SERPINF2: variants seen among roughly 807,000 people sequenced by gnomAD.
SERPINF2 encodes serpin family F member 2, also known as alpha-2-antiplasmin.
In SERPINF2, 15 loss-of-function variants were observed where a neutral mutation model predicts 45.0. The ratio of observed to expected loss-of-function variants is 0.33; its 90% CI spans 0.22 to 0.51. SERPINF2 has a LOEUF of 0.51. Ranked by LOEUF, SERPINF2 falls within the 20% of genes least tolerant of loss-of-function variation. The pLI, the probability that SERPINF2 is intolerant of heterozygous loss-of-function variation, is 0.97. For synonymous variants in SERPINF2, 283 were observed against 277.9 expected (o/e 1.02, Z -0.18); for missense variants, 518 against 637.4 (o/e 0.81, Z 2.02).
At chr17:1,749,189 T>A (rs4790286) in intron 8 of SERPINF2, among the ~76,000 whole-genome samples, 33,817 of 151,992 alleles carry the variant, frequency 0.22, 3,783 homozygotes, top group South Asian at 0.39. Context: ...GCACTTTGGG[T>A]GGCCCAGGCA....
chr17:1,744,818 G>A, intron 1 of SERPINF2, 174 bp from the exon 2 acceptor site: 1 of 985,466 alleles, frequency 1.0e-6, no homozygotes, highest in African/African-American at 1.7e-5. Flanking sequence ...TGTCCCAGCT[G>A]CAGGAGTGGG....
chr17:1,743,985 C>G (rs1385229638), intron 1 of SERPINF2, among the ~76,000 whole-genome samples: 2 of 151,182 alleles, frequency 1.3e-5, no homozygotes, highest in East Asian at 4.1e-4. Context: ...CAACCTCCGC[C>G]TCCCGGGTTC....
Position 1,751,414 on chromosome 17 carries a change from A to C in SERPINF2, c.859-1172A>C, listed in dbSNP as rs1469042624. ...CAGTGAGCCAAGATCATGCCACTGC[A>C]CTCCAGCCTGGACAATAAGAGTGAA... On this transcript the variant is annotated intron_variant, in intron 8 of 9. Transcript: ENST00000453066. 9.7e-5 allele frequency among the ~76,000 whole-genome samples: 9 copies of C among 92,790 alleles called. 1 individual carries two copies. The highest frequency in any genetic ancestry group is 2.2e-4 in the African/African-American group (8 of 35,602). 60.9% of individuals were successfully genotyped at this position (92,790 alleles called of 152,430 possible).
chr17:1,750,892 C>T (rs1160134569), intron 8 of SERPINF2, among the ~76,000 whole-genome samples: 1 of 152,180 alleles, frequency 6.6e-6, no homozygotes, highest in Non-Finnish European at 1.5e-5. Flanking sequence ...CCCGAGGCTC[C>T]CCTTTCCTGC....
In SERPINF2 at chr17:1,745,013, G is replaced by T. The variant is rs1309795512; in HGVS notation, c.18G>T (p.Gly6=). 2.5e-6 allele frequency: 4 copies of T among 1,613,688 alleles called. No individual in the cohort carries two copies. In the South Asian group the frequency reaches 3.3e-5, roughly 13 times the overall value. Residue 6 remains glycine, a synonymous_variant, in exon 2 of 10, where the codon GGG becomes GGT. Transcript: ENST00000453066. The surrounding 1 kb of genome is among the most constrained non-coding windows in gnomAD (Gnocchi z 6.2). The part of the protein sequence containing the change: MALLW[G]LLVLSWSCLQ... Reference sequence around the variant, plus strand: ...ACAGGAACATGGCGCTGCTCTGGGGGCTCCTGGTGCTCAGCTGGTCCTGCC... The same window carrying T: ...ACAGGAACATGGCGCTGCTCTGGGGTCTCCTGGTGCTCAGCTGGTCCTGCC...
chr17:1,746,283 C>T (rs568784637), intron 5 of SERPINF2, among the ~76,000 whole-genome samples: 148 of 152,154 alleles, frequency 9.7e-4, no homozygotes, highest in African/African-American at 3.4e-3. Flanking sequence ...CGCCACTGCA[C>T]TCCAGCCTGG....
intron 7 of SERPINF2, among the ~76,000 whole-genome samples, chr17:1,748,149 A>C (rs1426480199): frequency 6.6e-6 from 1 of 151,946 alleles, no homozygotes; most frequent in Non-Finnish European, 1.5e-5. Context: ...AAATACAAAA[A>C]AATTAGCTGG....
chr17:1,752,472 G>A (rs1906484271), intron 8 of SERPINF2, 114 bp from the exon 9 acceptor site: 15 of 902,548 alleles, frequency 1.7e-5, no homozygotes, highest in East Asian at 1.5e-4. Context: ...TCAGTCACAC[G>A]CCTGGCAGGA....
At chr17:1,751,671 G>A (rs911667458) in intron 8 of SERPINF2, among the ~76,000 whole-genome samples, 4 of 137,296 alleles carry the variant, frequency 2.9e-5, no homozygotes, top group African/African-American at 4.9e-5. Context: ...GAAGAATGGC[G>A]TGAATCCACG....
rs115583562 is a variant in SERPINF2, at chr17:1,751,780, T to C, written c.859-806T>C. ...AAAGAAAAGAAAAAAAAAGAAATCT[T>C]AAGCCAAATCACAATATATTTACAC... is the stretch of plus-strand genomic sequence containing the variant. On this transcript the variant is annotated intron_variant, in intron 8 of 9. Transcript: ENST00000453066. Among the ~76,000 whole-genome samples, 510 of 106,976 alleles carry C rather than the reference T, an allele frequency of 4.8e-3. 30 individuals are homozygous for C. The highest frequency in any genetic ancestry group is 0.015 in the African/African-American group (477 of 32,158). The allele number at this position is 106,976 out of a possible 152,430, so 70.2% of individuals were successfully genotyped here.
At chr17:1,752,550 TTC>T in intron 8 of SERPINF2, 34 bp from the exon 9 acceptor site, 1 of 1,604,904 alleles carries the variant, frequency 6.2e-7, no homozygotes, top group Non-Finnish European at 8.5e-7. Context: ...CTTCGGGGCT[TTC>T]TGTCCTCATG....
In SERPINF2 at chr17:1,748,626, C is replaced by G; in HGVS notation, c.744C>G (p.Ser248Arg). ...TCTGGAGGAACAAGTTTGACCCGAGCCTTACCCAGAGAGACTCCTTCCACC... is the reference window on the plus strand; with the variant it reads ...TCTGGAGGAACAAGTTTGACCCGAGGCTTACCCAGAGAGACTCCTTCCACC... Reference protein sequence around the residue: ...QGFWRNKFDPSLTQRDSFHLD... With the variant: ...QGFWRNKFDPRLTQRDSFHLD... Residue 248 changes from serine (S) to arginine (R), a missense_variant, in exon 8 of 10, where the codon AGC (serine) becomes AGG (arginine). Physicochemically the swap from Ser to Arg is moderately radical, Grantham distance 110 (BLOSUM62 -1). Coordinates refer to ENST00000453066, the MANE Select transcript of SERPINF2 (RefSeq NM_000934.4). The G allele has an allele frequency of 6.2e-7, 1 of 1,614,036 alleles. No individual in the cohort carries two copies. Among genetic ancestry groups the G allele is most frequent in the Non-Finnish European group, 8.5e-7 (1 of 1,180,050 alleles).
rs1289479122 is a variant in SERPINF2, at chr17:1,752,802, G to C, written c.1063+12G>C. On this transcript the variant is annotated intron_variant, in intron 9 of 9. Transcript: ENST00000453066. ...CCTCAGCCAGCTGGGTAAGGAGGAG[G>C]GTGCGGGCGAGCCCCCGAGGTCAGG... is the stretch of plus-strand genomic sequence containing the variant. 6.3e-7 allele frequency: 1 copy of C among 1,595,776 alleles called. No individual in the cohort carries two copies. Among genetic ancestry groups the C allele is most frequent in the African/African-American group, 1.3e-5 (1 of 74,550 alleles).
chr17:1,748,775 G>C (rs370202182), intron 8 of SERPINF2, 35 bp downstream of exon 8: 65 of 1,097,228 alleles, frequency 5.9e-5, no homozygotes, highest in Non-Finnish European at 5.6e-6. Flanking sequence ...TGGGCCTGAG[G>C]CTGGGAGGTG....
intron 9 of SERPINF2, among the ~76,000 whole-genome samples, chr17:1,753,292 G>C (rs558184595): frequency 6.6e-6 from 1 of 152,308 alleles, no homozygotes; most frequent in African/African-American, 2.4e-5. Context: ...GGGAGGTTGA[G>C]GTGGGAGGCC....
chr17:1,749,253 C>A (rs758034767), intron 8 of SERPINF2, among the ~76,000 whole-genome samples: 5 of 152,144 alleles, frequency 3.3e-5, no homozygotes, highest in Non-Finnish European at 7.3e-5. Context: ...TTTGAAACCC[C>A]GTTTCTACTA....
At chr17:1,748,491 A>G in intron 7 of SERPINF2, 107 bp from the exon 8 acceptor site, 3 of 1,463,806 alleles carry the variant, frequency 2.0e-6, no homozygotes, top group African/African-American at 1.4e-5. Context: ...GGGACAGGCA[A>G]CGGGCTGGGG....
In SERPINF2 at chr17:1,747,041, G is replaced by A; in HGVS notation, c.390G>A (p.Gln130=). Residue 130 remains glutamine, a synonymous_variant, in exon 6 of 10, where the codon CAG becomes CAA. Coordinates refer to ENST00000453066, the MANE Select transcript of SERPINF2 (RefSeq NM_000934.4). ...LALGAQNHTL[Q]RLQQVLHAGS... Reference sequence around the variant, plus strand: ...CAGGTGCTCAGAACCACACGTTGCAGAGGCTGCAACAGGTGCTGCACGCAG... The same window carrying A: ...CAGGTGCTCAGAACCACACGTTGCAAAGGCTGCAACAGGTGCTGCACGCAG... The A allele has an allele frequency of 6.2e-7, 1 of 1,607,180 alleles. No individual in the cohort carries two copies. The highest frequency in any genetic ancestry group is 1.1e-5 in the South Asian group (1 of 90,970).
intron 1 of SERPINF2, 166 bp downstream of exon 1, chr17:1,743,074 C>G (rs1905436154): frequency 1.0e-6 from 1 of 984,938 alleles, no homozygotes; most frequent in Non-Finnish European, 1.2e-6. Context: ...TTCTAATGCC[C>G]AGGTCGGAGT....
Sources: gnomAD v4.1 joint callset for allele counts (sites outside exome capture counted in the v4.1 genomes callset) on GRCh38, gnomAD v4.1.1 for gene constraint, Gnocchi (gnomAD v3.1) non-coding constraint, MANE v1.5 for transcripts, NCBI Gene and HGNC (gene_info 2026-07-23, HGNC 2026-07-21) for gene names.